Variants in RAB31 observed in about 807,000 individuals in gnomAD.
The protein encoded by RAB31 is RAB31, member RAS oncogene family, also known as ras-related protein Rab-31.
A neutral mutation model predicts 25.6 loss-of-function variants in RAB31; 21 were observed. The observed-to-expected ratio is 0.82, with a 90% CI of 0.58 to 1.18. The LOEUF (loss-of-function observed/expected upper bound fraction) is 1.18. RAB31 is among the 50% of genes most tolerant of loss of function. The probability of loss-of-function intolerance (pLI) is 0.00; values close to 1 mark genes in which losing one functional copy is unlikely to be tolerated. For synonymous variants in RAB31, 87 were observed against 84.0 expected, an observed-to-expected ratio of 1.04 and a Z score of -0.20; for missense variants, 196 against 250.1, an observed-to-expected ratio of 0.78 and a Z score of 1.46.
intron 1 of RAB31, among the ~76,000 whole-genome samples, chr18:9,760,126 A>C (rs1190833894): frequency 3.3e-5 from 5 of 151,524 alleles, no homozygotes; most frequent in African/African-American, 1.2e-4. Flanking sequence ...CTGGTGCTTT[A>C]GAATTCGTTT....
intron 5 of RAB31, among the ~76,000 whole-genome samples, chr18:9,832,906 C>T (rs1447261530): frequency 6.6e-6 from 1 of 152,214 alleles, no homozygotes; most frequent in East Asian, 1.9e-4. Context: ...CACGAGGGCA[C>T]AGCTGGAGAG....
chr18:9,796,001 G>A (rs1290003191), intron 3 of RAB31, among the ~76,000 whole-genome samples: 1 of 152,126 alleles, frequency 6.6e-6, no homozygotes, highest in East Asian at 1.9e-4. Context: ...ATCAATGAGT[G>A]GATAAAGAAA....
chr18:9,786,506 G>A (rs2068433841), intron 2 of RAB31, among the ~76,000 whole-genome samples: 1 of 152,232 alleles, frequency 6.6e-6, no homozygotes, highest in African/African-American at 2.4e-5. Context: ...CTTGGGACTG[G>A]TGTCTGTGGA....
At chr18:9,845,155 G>A (rs2068754585) in intron 5 of RAB31, among the ~76,000 whole-genome samples, 1 of 152,132 alleles carries the variant, frequency 6.6e-6, no homozygotes, top group Admixed American at 6.5e-5. Flanking sequence ...TATTTTCTCT[G>A]ATTTGTGAAA....
chr18:9,773,481 G>T (rs1356559482), intron 1 of RAB31, among the ~76,000 whole-genome samples: 1 of 152,112 alleles, frequency 6.6e-6, no homozygotes, highest in Non-Finnish European at 1.5e-5. Context: ...GTTGGCAACG[G>T]CGATCGGTGT....
chr18:9,809,044 G>A (rs2068556631), intron 3 of RAB31, among the ~76,000 whole-genome samples: 1 of 152,228 alleles, frequency 6.6e-6, no homozygotes, highest in Non-Finnish European at 1.5e-5. Flanking sequence ...TGAGGGGTGT[G>A]TGTGTGTGTG....
intron 1 of RAB31, among the ~76,000 whole-genome samples, chr18:9,764,051 C>G (rs186874301): frequency 2.0e-5 from 3 of 152,302 alleles, no homozygotes; most frequent in Non-Finnish European, 4.4e-5. Context: ...TGTAGCTCAG[C>G]AGCAAGCTTA....
chr18:9,841,652 G>A (rs2068735197), intron 5 of RAB31, among the ~76,000 whole-genome samples: 1 of 152,096 alleles, frequency 6.6e-6, no homozygotes, highest in African/African-American at 2.4e-5. Flanking sequence ...GAGGGGATTG[G>A]CTTTATAGAC....
chr18:9,848,452 A>C (rs1325391324), intron 6 of RAB31, among the ~76,000 whole-genome samples: 2 of 152,192 alleles, frequency 1.3e-5, no homozygotes, highest in African/African-American at 4.8e-5. Flanking sequence ...GTCTATCTGC[A>C]TGTGTAAGCA....
chr18:9,800,079 A>G (rs1470918308), intron 3 of RAB31, among the ~76,000 whole-genome samples: 2 of 152,228 alleles, frequency 1.3e-5, no homozygotes, highest in Non-Finnish European at 1.5e-5. Context: ...AGAGCGGTCC[A>G]TAGCCGACAG....
chr18:9,859,426 AG>A lies in RAB31; in HGVS notation c.*102del. 3.0e-6 allele frequency: 3 copies of A among 1,005,148 alleles called. No homozygotes were observed. Among genetic ancestry groups the A allele is most frequent in the Non-Finnish European group, 4.5e-6 (3 of 670,064 alleles). 62.3% of individuals were successfully genotyped at this position (1,005,148 alleles called of 1,614,324 possible). ...GGTGGCCTGGCACCTCACTTTGAGA[AG>A]AGTGAGCACACTGGCTTTGCATCCT... On this transcript the variant is annotated 3_prime_UTR_variant, in exon 7 of 7. Coordinates refer to ENST00000578921, the MANE Select transcript of RAB31 (RefSeq NM_006868.4).
chr18:9,803,544 A>G lies in RAB31; in HGVS notation c.202-10476A>G, dbSNP rs141031232. Among the ~76,000 whole-genome samples, 12 of 152,178 alleles carry G rather than the reference A, an allele frequency of 7.9e-5. No homozygotes were observed. In the East Asian group the frequency reaches 1.9e-3, roughly 25 times the overall value. On this transcript the variant is annotated intron_variant, in intron 3 of 6. Coordinates refer to ENST00000578921, the MANE Select transcript of RAB31 (RefSeq NM_006868.4). ...CCATGCCCCTAGTAACTCTCTTGAA[A>G]GAGAAAACTGAGTGATGATTGTGTG...
chr18:9,792,323 T>C, intron 3 of RAB31, 88 bp downstream of exon 3: 2 of 1,496,354 alleles, frequency 1.3e-6, no homozygotes, highest in East Asian at 5.0e-5. Context: ...ACAAGACTCT[T>C]GGTTGCAGGT....
Position 9,792,142 on chromosome 18 carries a change from C to G in RAB31, c.120-12C>G. On this transcript the variant is annotated splice_polypyrimidine_tract_variant and intron_variant, in intron 2 of 6. Coordinates refer to ENST00000578921, the MANE Select transcript of RAB31 (RefSeq NM_006868.4). ...ATGCAGTAATGTGGAGATGCTGACTCTCTTTTTTCAGGGCATCTTTTATGA... is the reference window on the plus strand; with the variant it reads ...ATGCAGTAATGTGGAGATGCTGACTGTCTTTTTTCAGGGCATCTTTTATGA... 1 of 1,605,206 alleles carries G rather than the reference C, an allele frequency of 6.2e-7. No homozygotes were observed. Among genetic ancestry groups the G allele is most frequent in the Non-Finnish European group, 8.5e-7 (1 of 1,175,358 alleles).
At chr18:9,839,056 A>C (rs2068719178) in intron 5 of RAB31, among the ~76,000 whole-genome samples, 1 of 152,192 alleles carries the variant, frequency 6.6e-6, no homozygotes, top group Admixed American at 6.5e-5. Flanking sequence ...CCTGGACATG[A>C]AAACAAAAGC....
chr18:9,768,513 C>CT (rs1162345381), intron 1 of RAB31, among the ~76,000 whole-genome samples: 1 of 152,130 alleles, frequency 6.6e-6, no homozygotes, highest in Non-Finnish European at 1.5e-5. Flanking sequence ...TGAGAAGTGT[C>CT]TGTTCATATC....
chr18:9,718,097 A>G (rs1312247718), intron 1 of RAB31, among the ~76,000 whole-genome samples: 1 of 152,028 alleles, frequency 6.6e-6, no homozygotes, highest in East Asian at 1.9e-4. Context: ...GGGGCTTGCC[A>G]CGTTGCCCAG....
intron 1 of RAB31, among the ~76,000 whole-genome samples, chr18:9,743,290 G>A (rs947623185): frequency 6.6e-6 from 1 of 152,142 alleles, no homozygotes; most frequent in East Asian, 1.9e-4. Context: ...AAATGTACTC[G>A]AAAGCTATAA....
chr18:9,846,734 G>A (rs754696310), intron 6 of RAB31, among the ~76,000 whole-genome samples: 1 of 152,188 alleles, frequency 6.6e-6, no homozygotes, highest in Non-Finnish European at 1.5e-5. Flanking sequence ...TAACTGGTTT[G>A]AGTGCATTAC....
Sources: allele counts gnomAD v4.1 joint callset (sites outside exome capture counted in the v4.1 genomes callset), GRCh38; gene constraint gnomAD v4.1.1; transcripts MANE v1.5; gene names NCBI Gene and HGNC (gene_info 2026-07-23, HGNC 2026-07-21).